The following CCDC144A variants were observed in gnomAD, a reference collection of about 807,000 sequenced individuals.
CCDC144A encodes coiled-coil domain-containing protein 144A.
In CCDC144A, 41 loss-of-function variants were observed where a neutral mutation model predicts 143.8. The ratio of observed to expected loss-of-function variants is 0.29; its 90% CI spans 0.22 to 0.37. CCDC144A has a LOEUF of 0.37. Among genes scored for constraint, CCDC144A ranks in the 10% least tolerant of loss-of-function variants. The probability of loss-of-function intolerance (pLI) is 1.00; values close to 1 mark genes in which losing one functional copy is unlikely to be tolerated. For synonymous variants in CCDC144A, 242 were observed against 517.9 expected, an observed-to-expected ratio of 0.47 and a Z score of 7.23; for missense variants, 637 against 1,488.8, an observed-to-expected ratio of 0.43 and a Z score of 9.41.
In CCDC144A at chr17:16,757,705, G is replaced by A. The variant is rs547499465; in HGVS notation, c.3373-3720G>A. On this transcript the variant is annotated intron_variant, in intron 12 of 16. Transcript: ENST00000399273. Reference sequence around the variant, plus strand: ...TCCGGCCTCCTAAAGGTATGTACAGGTATGCACAGCACTGCCCCTGAAGGG... The same window carrying A: ...TCCGGCCTCCTAAAGGTATGTACAGATATGCACAGCACTGCCCCTGAAGGG... Among the ~76,000 whole-genome samples the A allele has an allele frequency of 1.6e-4, 25 of 152,358 alleles. No homozygotes were observed. The East Asian group carries it at 4.6e-3, about 28-fold the overall frequency.
intron 12 of CCDC144A, among the ~76,000 whole-genome samples, chr17:16,758,263 G>A (rs1170149759): frequency 1.3e-5 from 2 of 152,306 alleles, no homozygotes; most frequent in East Asian, 3.9e-4. Context: ...ATTTAATATG[G>A]CAGAAGACTC....
At chr17:16,773,149 T>C (rs1915886836) in intron 16 of CCDC144A, among the ~76,000 whole-genome samples, 1 of 151,950 alleles carries the variant, frequency 6.6e-6, no homozygotes. Context: ...CTATGAAATA[T>C]ATAGAATATA....
At chr17:16,759,059 T>C (rs1915235267) in intron 12 of CCDC144A, among the ~76,000 whole-genome samples, 1 of 152,188 alleles carries the variant, frequency 6.6e-6, no homozygotes, top group South Asian at 2.1e-4. Flanking sequence ...AGCCTTACAC[T>C]GACAGTCTTG....
chr17:16,672,945 A>T, the CCDC144A span, among the ~76,000 whole-genome samples: 1 of 152,130 alleles, frequency 6.6e-6, no homozygotes, highest in African/African-American at 2.4e-5. Flanking sequence ...ATAGAGATAT[A>T]GATAGATAGG....
intron 15 of CCDC144A, among the ~76,000 whole-genome samples, chr17:16,770,452 G>A (rs1256068371): frequency 4.6e-4 from 70 of 152,274 alleles, no homozygotes; most frequent in South Asian, 1.7e-3. Flanking sequence ...CCCAGCCTGA[G>A]TTATTTTTAA....
At chr17:16,675,269 G>GAAAA in the CCDC144A span, among the ~76,000 whole-genome samples, 2 of 90,052 alleles carry the variant, frequency 2.2e-5, no homozygotes, top group African/African-American at 7.9e-5. Flanking sequence ...ACTCCATCTT[G>GAAAA]AAAAAAAAAA....
chr17:16,767,431 T>C (rs1427330341), intron 15 of CCDC144A: 1 of 151,634 alleles, frequency 6.6e-6, no homozygotes, highest in Non-Finnish European at 1.5e-5. Context: ...GGAACTTAAG[T>C]ATTTCCTATA....
intron 2 of CCDC144A, among the ~76,000 whole-genome samples, chr17:16,693,460 C>G (rs3114296): frequency 0.094 from 14,298 of 151,782 alleles, 892 homozygotes; most frequent in Non-Finnish European, 0.13. Context: ...GGACTACAGG[C>G]GCCCGCCACC....
the CCDC144A span, chr17:16,684,167 G>A: frequency 8.8e-7 from 1 of 1,137,952 alleles, no homozygotes. Flanking sequence ...AGGGAAAGAG[G>A]TGATCAACAA....
intron 12 of CCDC144A, among the ~76,000 whole-genome samples, chr17:16,754,183 T>C (rs1914960494): frequency 1.3e-5 from 2 of 152,236 alleles, no homozygotes; most frequent in Non-Finnish European, 2.9e-5. Context: ...GTTTCCCTCT[T>C]TATTTACTTG....
the CCDC144A span, among the ~76,000 whole-genome samples, chr17:16,679,461 TAA>T: frequency 6.6e-6 from 1 of 151,928 alleles, no homozygotes; most frequent in South Asian, 2.1e-4. Flanking sequence ...TTGAGGTTAG[TAA>T]TTTTTTTTTT....
the CCDC144A span, among the ~76,000 whole-genome samples, chr17:16,682,898 T>TTG: frequency 5.2e-5 from 6 of 115,460 alleles, no homozygotes; most frequent in African/African-American, 2.0e-4. Flanking sequence ...TTTTTTTTTT[T>TTG]TTTTTTTTTT....
upstream of CCDC144A, among the ~76,000 whole-genome samples, chr17:16,686,739 CACACACAA>C (rs1384489307): frequency 1.8e-4 from 22 of 122,580 alleles, no homozygotes; most frequent in East Asian, 6.4e-3. Flanking sequence ...GCCTCTGTCA[CACACACAA>C]ACACACACAC....
rs1597602709 is a variant in CCDC144A at position 16,775,946 on chromosome 17, A to G, written c.*2313A>G. The G allele has an allele frequency of 6.6e-6, 1 of 152,222 alleles. No individual in the cohort carries two copies. The highest frequency in any genetic ancestry group is 6.5e-5 in the Admixed American group (1 of 15,270). 9.4% of individuals were successfully genotyped at this position (152,222 alleles called of 1,614,324 possible). On this transcript the variant is annotated 3_prime_UTR_variant, in exon 17 of 17. Coordinates refer to ENST00000399273, the MANE Select transcript of CCDC144A (RefSeq NM_001382000.1). ...ATGGCTAGCCAGTTCTCCCAGCACC[A>G]TTTATTAAATAGGGAATCTTTTCCC...
At chr17:16,702,985 C>T (rs887404646) in intron 2 of CCDC144A, among the ~76,000 whole-genome samples, 1 of 152,086 alleles carries the variant, frequency 6.6e-6, no homozygotes, top group Non-Finnish European at 1.5e-5. Context: ...ATATTCTGGT[C>T]AGCAAATCAT....
the CCDC144A span, among the ~76,000 whole-genome samples, chr17:16,679,033 C>T: frequency 6.6e-6 from 1 of 151,826 alleles, no homozygotes; most frequent in African/African-American, 2.4e-5. Flanking sequence ...GGATTACAGG[C>T]GTGAGCCACT....
intron 12 of CCDC144A, chr17:16,746,455 C>T: frequency 1.2e-6 from 2 of 1,612,992 alleles, no homozygotes; most frequent in Non-Finnish European, 1.7e-6. Context: ...CTCTTGTCTT[C>T]GCCTCCATCT....
the CCDC144A span, among the ~76,000 whole-genome samples, chr17:16,667,303 C>CGGCTGAGGGGCTGAGGAGGCTGAGGA: frequency 7.4e-6 from 1 of 135,764 alleles, no homozygotes; most frequent in Non-Finnish European, 1.6e-5. Context: ...GCGGCTGAGG[C>CGGCTGAGGGGCTGAGGAGGCTGAGGA]GGCTGAGGGG....
rs559730856 is a variant in CCDC144A at position 16,695,110 on chromosome 17, T to G, written c.415+2061T>G. Among the ~76,000 whole-genome samples the G allele has an allele frequency of 5.9e-5, 9 of 152,350 alleles. No individual in the cohort carries two copies. The South Asian group carries it at 1.9e-3, about 32-fold the overall frequency. Reference sequence around the variant, plus strand: ...CACGTTATGGGAGACAAACATGAAATAGACATAGTTTTGGTCTTTGAGGTG... The same window carrying G: ...CACGTTATGGGAGACAAACATGAAAGAGACATAGTTTTGGTCTTTGAGGTG... On this transcript the variant is annotated intron_variant, in intron 2 of 16. Transcript: ENST00000399273.
Sources: allele counts gnomAD v4.1 joint callset (sites outside exome capture counted in the v4.1 genomes callset), GRCh38; gene constraint gnomAD v4.1.1; transcripts MANE v1.5; gene names NCBI Gene and HGNC (gene_info 2026-07-23, HGNC 2026-07-21).